Variants in BMPR1B observed in about 807,000 individuals in gnomAD.
BMPR1B encodes the protein bone morphogenetic protein receptor type-1B.
In BMPR1B, 12 loss-of-function variants were observed where a neutral mutation model predicts 59.1. That is an observed-to-expected ratio of 0.20 (90% CI 0.13 to 0.33). BMPR1B has a LOEUF of 0.33. Among genes scored for constraint, BMPR1B ranks in the 10% least tolerant of loss-of-function variants. The pLI, the probability that BMPR1B is intolerant of heterozygous loss-of-function variation, is 1.00. For synonymous variants in BMPR1B, 237 were observed against 207.3 expected (o/e 1.14, Z -1.23); for missense variants, 550 against 610.9 (o/e 0.90, Z 1.05).
intron 6 of BMPR1B, among the ~76,000 whole-genome samples, chr4:95,121,541 C>T (rs536204628): frequency 6.6e-6 from 1 of 152,116 alleles, no homozygotes; most frequent in South Asian, 2.1e-4. Context: ...AATACAGACA[C>T]ACAAATAAGT....
chr4:94,982,313 AC>A (rs1213422428), intron 2 of BMPR1B, among the ~76,000 whole-genome samples: 4 of 152,062 alleles, frequency 2.6e-5, no homozygotes, highest in African/African-American at 7.2e-5. Flanking sequence ...TTAAAAAAAA[AC>A]AAAACAAACA....
intron 3 of BMPR1B, among the ~76,000 whole-genome samples, chr4:95,057,569 A>G (rs905801129): frequency 1.3e-5 from 2 of 152,016 alleles, no homozygotes; most frequent in East Asian, 2.0e-4. Context: ...GGACCCTTAG[A>G]ATAATCAAAG....
intron 1 of BMPR1B, among the ~76,000 whole-genome samples, chr4:94,854,600 G>GT (rs1725687923): frequency 6.6e-6 from 1 of 152,124 alleles, no homozygotes; most frequent in Non-Finnish European, 1.5e-5. Context: ...GTAAAATGCA[G>GT]TAAGGTTCTA....
chr4:95,155,192 C>G lies in BMPR1B; in HGVS notation c.*519C>G, dbSNP rs1258761856. The G allele has an allele frequency of 6.3e-6, 1 of 159,312 alleles. No individual in the cohort carries two copies. Among genetic ancestry groups the G allele is most frequent in the Non-Finnish European group, 1.4e-5 (1 of 72,500 alleles). The allele number at this position is 159,312 out of a possible 1,614,324, so 9.9% of individuals were successfully genotyped here. Reference sequence around the variant, plus strand: ...TAGAACGGAACTCATCTTAAACATACTCCCCACCCCGTCTTGGCCTCCTCA... The same window carrying G: ...TAGAACGGAACTCATCTTAAACATAGTCCCCACCCCGTCTTGGCCTCCTCA... On this transcript the variant is annotated 3_prime_UTR_variant, in exon 13 of 13. Transcript: ENST00000515059.
intron 2 of BMPR1B, among the ~76,000 whole-genome samples, chr4:94,895,972 T>C (rs1270809428): frequency 6.6e-6 from 1 of 152,004 alleles, no homozygotes; most frequent in Admixed American, 6.6e-5. Flanking sequence ...ATATATTTAA[T>C]ACACTTTTTG....
chr4:94,927,365 T>C (rs368583884), intron 2 of BMPR1B, among the ~76,000 whole-genome samples: 3 of 152,046 alleles, frequency 2.0e-5, no homozygotes, highest in Non-Finnish European at 2.9e-5. Context: ...AAATAAACAA[T>C]ATTCAAAATG....
chr4:95,098,904 G>A (rs1037714709), intron 3 of BMPR1B, among the ~76,000 whole-genome samples: 2 of 152,128 alleles, frequency 1.3e-5, no homozygotes, highest in African/African-American at 2.4e-5. Context: ...TTTTAGTAGA[G>A]ACGTGGTTTC....
At chr4:95,025,226 G>T (rs1724272447) in intron 3 of BMPR1B, among the ~76,000 whole-genome samples, 1 of 152,202 alleles carries the variant, frequency 6.6e-6, no homozygotes, top group Non-Finnish European at 1.5e-5. Context: ...GATAAGAAAA[G>T]AGGTCAAAGA....
chr4:94,806,566 T>G (rs931387073), intron 1 of BMPR1B, among the ~76,000 whole-genome samples: 2 of 152,196 alleles, frequency 1.3e-5, no homozygotes, highest in African/African-American at 4.8e-5. Flanking sequence ...CTGAGGAGGC[T>G]GTTGCACCAG....
intron 2 of BMPR1B, among the ~76,000 whole-genome samples, chr4:94,927,724 G>A (rs975377679): frequency 4.6e-5 from 7 of 152,092 alleles, no homozygotes; most frequent in Non-Finnish European, 1.0e-4. Context: ...CCAGGCAGGG[G>A]AGAACCATTG....
intron 6 of BMPR1B, among the ~76,000 whole-genome samples, chr4:95,123,096 A>C (rs1163237142): frequency 1.3e-5 from 2 of 152,220 alleles, no homozygotes; most frequent in African/African-American, 2.4e-5. Context: ...TATAAAGTTA[A>C]GTCATTTATA....
At chr4:94,951,383 C>T (rs988151676) in intron 2 of BMPR1B, among the ~76,000 whole-genome samples, 3 of 152,154 alleles carry the variant, frequency 2.0e-5, no homozygotes, top group Non-Finnish European at 4.4e-5. Context: ...AGCTTTTGCC[C>T]ATTCAGTATG....
At chr4:95,139,869 C>T (rs1734090912) in intron 10 of BMPR1B, among the ~76,000 whole-genome samples, 1 of 152,188 alleles carries the variant, frequency 6.6e-6, no homozygotes, top group African/African-American at 2.4e-5. Flanking sequence ...AATTCCCTGA[C>T]CCCTTGCGCT....
chr4:95,055,928 C>G (rs1198165052), intron 3 of BMPR1B, among the ~76,000 whole-genome samples: 1 of 152,114 alleles, frequency 6.6e-6, no homozygotes, highest in Non-Finnish European at 1.5e-5. Flanking sequence ...TCTGAAATAA[C>G]ATTGGACAGA....
chr4:95,010,798 G>A lies in BMPR1B; in HGVS notation c.-18+14664G>A, dbSNP rs1246765894. Among the ~76,000 whole-genome samples the A allele has an allele frequency of 2.6e-5, 4 of 152,220 alleles. No individual in the cohort carries two copies. The East Asian group carries it at 7.7e-4, about 29-fold the overall frequency. On this transcript the variant is annotated intron_variant, in intron 3 of 12. Transcript: ENST00000515059. ...AAGATTTGTTTCAGGGTGAGTTTTGGTGTCCAAAAGGATCAAAATGGGTTG... is the reference window on the plus strand; with the variant it reads ...AAGATTTGTTTCAGGGTGAGTTTTGATGTCCAAAAGGATCAAAATGGGTTG...
chr4:94,900,338 CAAA>C (rs34541975), intron 2 of BMPR1B, among the ~76,000 whole-genome samples: 4 of 110,218 alleles, frequency 3.6e-5, no homozygotes, highest in Non-Finnish European at 5.8e-5. Context: ...AAGTGGCCAG[CAAA>C]AAAAAAAAAA....
intron 2 of BMPR1B, among the ~76,000 whole-genome samples, chr4:94,910,054 C>CA (rs199899636): frequency 4.1e-4 from 61 of 149,426 alleles, no homozygotes; most frequent in African/African-American, 1.0e-3. Context: ...CCAAAAAAAA[C>CA]AAAAAAAAAG....
intron 1 of BMPR1B, among the ~76,000 whole-genome samples, chr4:94,760,527 C>T (rs1185778465): frequency 1.3e-5 from 2 of 152,178 alleles, no homozygotes; most frequent in Admixed American, 6.5e-5. Context: ...TCTTTCTGAG[C>T]ACTCAAATCG....
chr4:94,973,703 T>G (rs1233954752), intron 2 of BMPR1B, among the ~76,000 whole-genome samples: 1 of 152,038 alleles, frequency 6.6e-6, no homozygotes, highest in Non-Finnish European at 1.5e-5. Flanking sequence ...TGACTGAGGG[T>G]GGGGTTTCGC....
Sources: gnomAD v4.1 joint callset for allele counts (sites outside exome capture counted in the v4.1 genomes callset) on GRCh38, gnomAD v4.1.1 for gene constraint, MANE v1.5 for transcripts, NCBI Gene and HGNC (gene_info 2026-07-23, HGNC 2026-07-21) for gene names.